VRK2: variants seen among roughly 807,000 people sequenced by gnomAD.
The protein encoded by VRK2 is serine/threonine-protein kinase VRK2.
In VRK2, 60 loss-of-function variants were observed where a neutral mutation model predicts 57.6. That is an observed-to-expected ratio of 1.04 (90% CI 0.85 to 1.29). The LOEUF (loss-of-function observed/expected upper bound fraction) is 1.29, where lower values mean the gene tolerates loss of function less well. Ranked by LOEUF, VRK2 falls within the 50% of genes most tolerant of loss-of-function variation. The pLI is 0.00. For missense variants in VRK2, 705 were observed against 588.1 expected (o/e 1.20, Z -2.06); for synonymous variants, 231 against 199.2 (o/e 1.16, Z -1.35).
chr2:58,123,515 C>G (rs1186515860), intron 8 of VRK2, among the ~76,000 whole-genome samples: 1 of 152,126 alleles, frequency 6.6e-6, no homozygotes, highest in Non-Finnish European at 1.5e-5. Flanking sequence ...ATAGGTAAAA[C>G]TTGGAGGTCA....
At chr2:57,925,721 A>T (rs1670508639) in intron 1 of VRK2, among the ~76,000 whole-genome samples, 1 of 148,718 alleles carries the variant, frequency 6.7e-6, no homozygotes, top group African/African-American at 2.5e-5. Flanking sequence ...TTTTCATTTC[A>T]GTTTTATTTA....
intron 7 of VRK2, among the ~76,000 whole-genome samples, chr2:58,120,005 G>T (rs1263823881): frequency 6.6e-6 from 1 of 151,604 alleles, no homozygotes; most frequent in Admixed American, 6.6e-5. Context: ...TCATTGGTTG[G>T]AAAACAGCAA....
Position 58,123,464 on chromosome 2 carries a change from C to G in VRK2, c.676+231C>G, listed in dbSNP as rs1378290946. Among the ~76,000 whole-genome samples, 8 of 152,226 alleles carry G rather than the reference C, an allele frequency of 5.3e-5. No individual in the cohort carries two copies. The East Asian group carries it at 1.5e-3, about 29-fold the overall frequency. On this transcript the variant is annotated intron_variant, in intron 8 of 12. Transcript: ENST00000340157. The stretch of plus-strand genomic sequence containing the variant: ...AAGGAGCAAAAGTGTGTCAAGTAAG[C>G]AAAACTTGCTGCTCATTTTAGCCAG...
At chr2:58,031,357 C>T (rs1052820005) in intron 2 of VRK2, among the ~76,000 whole-genome samples, 1 of 152,098 alleles carries the variant, frequency 6.6e-6, no homozygotes, top group South Asian at 2.1e-4. Flanking sequence ...CCCGTGTCCC[C>T]TATCCCCTCA....
At chr2:57,974,484 C>T (rs1672188076) in intron 1 of VRK2, among the ~76,000 whole-genome samples, 1 of 151,852 alleles carries the variant, frequency 6.6e-6, no homozygotes, top group South Asian at 2.1e-4. Flanking sequence ...AGGCCATATT[C>T]TCTTATTACA....
intron 8 of VRK2, among the ~76,000 whole-genome samples, chr2:58,129,124 G>A (rs1007247975): frequency 1.5e-4 from 23 of 152,112 alleles, no homozygotes; most frequent in Admixed American, 1.4e-3. Context: ...ACTAACTTGA[G>A]AAAGTTTAGA....
chr2:58,032,068 A>T (rs1309381103), intron 2 of VRK2, among the ~76,000 whole-genome samples: 1 of 152,028 alleles, frequency 6.6e-6, no homozygotes, highest in Non-Finnish European at 1.5e-5. Context: ...AATCAAATCC[A>T]AATTATTTCT....
At chr2:58,158,738 G>A (rs889234462) in intron 12 of VRK2, among the ~76,000 whole-genome samples, 1 of 152,076 alleles carries the variant, frequency 6.6e-6, no homozygotes, top group Non-Finnish European at 1.5e-5. Flanking sequence ...AGTAGCTCCC[G>A]AAACTTGCAT....
chr2:58,114,539 G>A (rs1452246881), intron 7 of VRK2, among the ~76,000 whole-genome samples: 1 of 152,202 alleles, frequency 6.6e-6, no homozygotes, highest in Non-Finnish European at 1.5e-5. Context: ...AGCATTCTGA[G>A]GACAGGCCTG....
chr2:57,945,709 C>T (rs1213003486), intron 1 of VRK2, among the ~76,000 whole-genome samples: 1 of 152,156 alleles, frequency 6.6e-6, no homozygotes, highest in African/African-American at 2.4e-5. Context: ...TGGATGTATA[C>T]TCCTTACCAA....
Position 58,051,959 on chromosome 2 carries a change from A to T in VRK2, c.136+2992A>T, listed in dbSNP as rs181470811. ...GAAACTGGTTTAGGGGATGGGAAAA[A>T]TTGCTGTCATTTTAGTATCAAATGA... On this transcript the variant is annotated intron_variant, in intron 2 of 12. Transcript: ENST00000340157. Among the ~76,000 whole-genome samples the T allele has an allele frequency of 5.0e-3, 760 of 152,336 alleles. 7 individuals carry two copies. The highest frequency in any genetic ancestry group is 5.3e-3 in the Non-Finnish European group (359 of 68,026).
intron 1 of VRK2, among the ~76,000 whole-genome samples, chr2:57,964,267 G>A (rs1275591753): frequency 6.6e-6 from 1 of 152,102 alleles, no homozygotes; most frequent in Non-Finnish European, 1.5e-5. Flanking sequence ...AATAAAGTAA[G>A]CTAGAGAAAA....
intron 1 of VRK2, among the ~76,000 whole-genome samples, chr2:57,966,984 G>C (rs1010001023): frequency 6.6e-6 from 1 of 152,010 alleles, no homozygotes; most frequent in African/African-American, 2.4e-5. Context: ...AGAAACGTTC[G>C]GTTTGAGAGG....
Position 57,978,685 on chromosome 2 carries a change from CTTCT to C in VRK2, c.-438-46966_-438-46963del, listed in dbSNP as rs558568696. Among the ~76,000 whole-genome samples the C allele has an allele frequency of 1.3e-4, 19 of 146,618 alleles. No homozygotes were observed. The South Asian group carries it at 1.5e-3, about 12-fold the overall frequency. On this transcript the variant is annotated intron_variant, in intron 1 of 15. Coordinates refer to the VRK2 transcript ENST00000417641. ...CTTGATTTGTTTCCTTCCTTCCTTCCTTCTTTCTTTCTTTCTTCCTTTTTCTTTT... is the reference window on the plus strand; with the variant it reads ...CTTGATTTGTTTCCTTCCTTCCTTCCTTCTTTCTTTCTTCCTTTTTCTTTT...
chr2:58,113,425 T>C (rs1450133876), intron 7 of VRK2, among the ~76,000 whole-genome samples: 1 of 151,618 alleles, frequency 6.6e-6, no homozygotes, highest in Non-Finnish European at 1.5e-5. Flanking sequence ...AAGAGGACCA[T>C]AGAGACTTTC....
chr2:58,158,379 G>C (rs1343205062), intron 12 of VRK2, among the ~76,000 whole-genome samples: 1 of 151,894 alleles, frequency 6.6e-6, no homozygotes, highest in Non-Finnish European at 1.5e-5. Context: ...TTTTTTCATA[G>C]GAAAGCTAGT....
chr2:57,996,284 T>C (rs1672920713), intron 1 of VRK2, among the ~76,000 whole-genome samples: 1 of 152,170 alleles, frequency 6.6e-6, no homozygotes, highest in Non-Finnish European at 1.5e-5. Flanking sequence ...ATTTTTCAGT[T>C]CACATACTCC....
At chr2:58,015,956 T>C (rs1471905976) in intron 1 of VRK2, among the ~76,000 whole-genome samples, 2 of 152,136 alleles carry the variant, frequency 1.3e-5, no homozygotes, top group African/African-American at 2.4e-5. Context: ...GCTTTTTTTT[T>C]TGTAATCAAG....
At chr2:58,094,818 A>G (rs1426337455) in intron 7 of VRK2, among the ~76,000 whole-genome samples, 1 of 152,156 alleles carries the variant, frequency 6.6e-6, no homozygotes, top group African/African-American at 2.4e-5. Context: ...TTTCTGTTGA[A>G]TCACACTGAT....
Sources: allele counts gnomAD v4.1 joint callset (sites outside exome capture counted in the v4.1 genomes callset), GRCh38; gene constraint gnomAD v4.1.1; transcripts MANE v1.5; gene names NCBI Gene and HGNC (gene_info 2026-07-23, HGNC 2026-07-21).